The following VDAC2 variants were observed in gnomAD, a reference collection of about 807,000 sequenced individuals.
VDAC2 encodes the protein voltage dependent anion channel 2.
VDAC2 carries 6 observed loss-of-function variants against 36.6 expected under a neutral mutation model. The observed-to-expected ratio is 0.16, with a 90% CI of 0.09 to 0.32. The LOEUF (loss-of-function observed/expected upper bound fraction) is 0.32. Among genes scored for constraint, VDAC2 ranks in the 10% least tolerant of loss-of-function variants. VDAC2 has a pLI of 1.00. For missense variants in VDAC2, 247 were observed against 346.0 expected (o/e 0.71, Z 2.27); for synonymous variants, 109 against 123.8 (o/e 0.88, Z 0.79).
chr10:75,211,050 C>A, intron 1 of VDAC2, 84 bp from the exon 2 acceptor site: 1 of 1,305,048 alleles, frequency 7.7e-7, no homozygotes, highest in Non-Finnish European at 1.0e-6. Flanking sequence ...GCCGCGCTGC[C>A]CCGCGGCCCC....
Position 75,211,122 on chromosome 10 carries a change from T to C in VDAC2, c.-25-12T>C. Reference sequence around the variant, plus strand: ...TGACCCCAGCTTACCGCACTTCTTGTCCCTCCCGCAGATTCCCCTCTTCCC... The same window carrying C: ...TGACCCCAGCTTACCGCACTTCTTGCCCCTCCCGCAGATTCCCCTCTTCCC... On this transcript the variant is annotated splice_polypyrimidine_tract_variant and intron_variant, in intron 1 of 9. Transcript: ENST00000332211. 1 of 1,603,746 alleles carries C rather than the reference T, an allele frequency of 6.2e-7. No homozygotes were observed. The highest frequency in any genetic ancestry group is 8.5e-7 in the Non-Finnish European group (1 of 1,175,000).
intron 4 of VDAC2, chr10:75,217,817 C>T (rs1023822890): frequency 7.1e-5 from 66 of 933,494 alleles, no homozygotes; most frequent in Non-Finnish European, 9.1e-5. Flanking sequence ...TACAAATGTT[C>T]TATTTTCTGA....
intron 8 of VDAC2, among the ~76,000 whole-genome samples, chr10:75,223,923 C>T (rs1841888917): frequency 6.6e-6 from 1 of 152,220 alleles, no homozygotes; most frequent in African/African-American, 2.4e-5. Flanking sequence ...CTGGAGAGGG[C>T]ATTGAAGCTG....
intron 7 of VDAC2, among the ~76,000 whole-genome samples, chr10:75,222,013 G>C (rs746232016): frequency 3.9e-5 from 6 of 152,122 alleles, no homozygotes; most frequent in Non-Finnish European, 8.8e-5. Flanking sequence ...AGAACCTCTT[G>C]CATGTTTAAT....
rs553638728 is a variant in VDAC2, at chr10:75,211,013, C to G, written c.-26+75C>G. The G allele has an allele frequency of 8.6e-6, 8 of 930,216 alleles. No individual in the cohort carries two copies. The Admixed American group carries it at 2.6e-4, about 31-fold the overall frequency. The allele number at this position is 930,216 out of a possible 1,614,324, so 57.6% of individuals were successfully genotyped here. A position where few individuals can be genotyped will look rare whatever the true frequency, so the allele number is the denominator to read the frequency against. ...CCAAGCCGGAGGCCCGCGCCGGACT[C>G]GGAGTCGGCCCTGGCTTCCTAAGAT... is the stretch of plus-strand genomic sequence containing the variant. On this transcript the variant is annotated intron_variant, in intron 1 of 9. Transcript: ENST00000332211.
Position 75,228,850 on chromosome 10 carries a change from C to T in VDAC2, c.736-794C>T, listed in dbSNP as rs187360000. Among the ~76,000 whole-genome samples the T allele has an allele frequency of 6.2e-3, 951 of 152,284 alleles. 6 individuals carry two copies. Among genetic ancestry groups the T allele is most frequent in the Non-Finnish European group, 9.1e-3 (620 of 68,034 alleles). ...TGGAAATGAAGGCAGGTGTTCCTGG[C>T]CTCTGGTGTGTCTTCATAATGTTAG... On this transcript the variant is annotated intron_variant, in intron 8 of 9. Coordinates refer to ENST00000332211, the MANE Select transcript of VDAC2 (RefSeq NM_001391963.1).
In VDAC2 at chr10:75,210,941, A is replaced by G; in HGVS notation, c.-26+3A>G. 2 of 444,928 alleles carry G rather than the reference A, an allele frequency of 4.5e-6. No individual in the cohort carries two copies. The highest frequency in any genetic ancestry group is 7.9e-6 in the Non-Finnish European group (2 of 253,020). The allele number at this position is 444,928 out of a possible 1,614,324, so 27.6% of individuals were successfully genotyped here. ...GGCCCCCCTCAGGACACCACCAGGT[A>G]CCGCCGCGCCCGCCTCACGCCGACC... On this transcript the variant is annotated splice_donor_region_variant and intron_variant, in intron 1 of 9. Coordinates refer to ENST00000332211, the MANE Select transcript of VDAC2 (RefSeq NM_001391963.1).
chr10:75,210,869 C>T lies in VDAC2; in HGVS notation c.-95C>T, dbSNP rs904627030. The T allele has an allele frequency of 5.7e-6, 2 of 353,274 alleles. No individual in the cohort carries two copies. Among genetic ancestry groups the T allele is most frequent in the Non-Finnish European group, 1.0e-5 (2 of 195,898 alleles). The allele number at this position is 353,274 out of a possible 1,614,324, so 21.9% of individuals were successfully genotyped here. On this transcript the variant is annotated 5_prime_UTR_variant, in exon 1 of 10. Transcript: ENST00000332211. ...TCCAGCTGCTGGAGCTGCAGCCCGACCGCGAGCGTGCCAAGCGGCTTCAGC... is the reference window on the plus strand; with the variant it reads ...TCCAGCTGCTGGAGCTGCAGCCCGATCGCGAGCGTGCCAAGCGGCTTCAGC...
intron 3 of VDAC2, among the ~76,000 whole-genome samples, chr10:75,213,748 T>C (rs1413618629): frequency 6.6e-6 from 1 of 151,178 alleles, no homozygotes; most frequent in Non-Finnish European, 1.5e-5. Flanking sequence ...CGTCTCAAAA[T>C]AAATAAATAA....
intron 7 of VDAC2, among the ~76,000 whole-genome samples, chr10:75,221,835 T>C (rs1841822448): frequency 6.6e-6 from 1 of 152,250 alleles, no homozygotes; most frequent in East Asian, 1.9e-4. Flanking sequence ...TGTTTTTCTT[T>C]CCATTGTAAA....
At chr10:75,226,384 T>C (rs934257802) in intron 8 of VDAC2, among the ~76,000 whole-genome samples, 53 of 151,950 alleles carry the variant, frequency 3.5e-4, no homozygotes, top group African/African-American at 1.2e-3. Context: ...TGTTGAGATA[T>C]TTGGCCATTT....
intron 6 of VDAC2, 139 bp from the exon 7 acceptor site, chr10:75,220,604 G>A (rs1841783334): frequency 5.8e-6 from 4 of 688,972 alleles, no homozygotes; most frequent in Non-Finnish European, 9.8e-6. Context: ...TCATTGAGCT[G>A]ACTTTTTTAC....
chr10:75,222,197 C>T (rs1286957493), intron 7 of VDAC2, 55 bp from the exon 8 acceptor site: 11 of 1,521,252 alleles, frequency 7.2e-6, no homozygotes, highest in Non-Finnish European at 9.9e-6. Context: ...CAGCCTGTGC[C>T]TTAGACATTA....
chr10:75,216,360 A>G (rs1343479124), intron 4 of VDAC2, among the ~76,000 whole-genome samples: 1 of 152,234 alleles, frequency 6.6e-6, no homozygotes, highest in Non-Finnish European at 1.5e-5. Flanking sequence ...GTTGGAAAGG[A>G]ATAGATTGTT....
At chr10:75,218,694 G>A (rs1421206355) in intron 4 of VDAC2, among the ~76,000 whole-genome samples, 1 of 152,144 alleles carries the variant, frequency 6.6e-6, no homozygotes, top group Admixed American at 6.5e-5. Context: ...CCTGGAAGGC[G>A]GAGGTTGCAG....
intron 3 of VDAC2, 37 bp from the exon 4 acceptor site, chr10:75,213,984 G>C: frequency 1.2e-6 from 2 of 1,607,170 alleles, no homozygotes; most frequent in Non-Finnish European, 1.7e-6. Context: ...TCATACAAAG[G>C]AATCATTTTG....
At position 75,211,173 on chromosome 10, in the gene VDAC2, A is replaced by G. The variant is rs1841405678; in HGVS notation, c.15A>G (p.Gly5=). MATH[G]QTCARPMCIP... ...GCGGCCTCGCCATGGCGACCCACGG[A>G]CAGACTTGCGCGCGTCGTAAGTAAA... The change falls in exon 2 of 10, where the codon GGA becomes GGG. Residue 5 remains glycine, a synonymous_variant. Transcript: ENST00000332211. The G allele has an allele frequency of 6.2e-7, 1 of 1,613,160 alleles. No homozygotes were observed. The highest frequency in any genetic ancestry group is 8.5e-7 in the Non-Finnish European group (1 of 1,179,664).
In VDAC2 at chr10:75,211,300, C is replaced by T; in HGVS notation, c.31+111C>T. ...TTCCAAGAACTTGGAAATTCGGCTG[C>T]TTTTGGTGGTCGCCCCACCGTCTGA... On this transcript the variant is annotated intron_variant, in intron 2 of 9. Coordinates refer to ENST00000332211, the MANE Select transcript of VDAC2 (RefSeq NM_001391963.1). The T allele has an allele frequency of 1.1e-5, 17 of 1,491,626 alleles. No individual in the cohort carries two copies. In the South Asian group the frequency reaches 2.1e-4, roughly 19 times the overall value. The allele number at this position is 1,491,626 out of a possible 1,614,324, so 92.4% of individuals were successfully genotyped here. A position where few individuals can be genotyped will look rare whatever the true frequency, so the allele number is the denominator to read the frequency against.
At chr10:75,211,491 A>G in intron 2 of VDAC2, 1 of 1,531,696 alleles carries the variant, frequency 6.5e-7, no homozygotes, top group Non-Finnish European at 8.8e-7. Context: ...GGATCGGATC[A>G]ATCACTTTTC....
Sources: allele counts gnomAD v4.1 joint callset (sites outside exome capture counted in the v4.1 genomes callset), GRCh38; gene constraint gnomAD v4.1.1; transcripts MANE v1.5; gene names NCBI Gene and HGNC (gene_info 2026-07-23, HGNC 2026-07-21).